The following PCDHA6 variants were observed in gnomAD, a reference collection of about 807,000 sequenced individuals.
PCDHA6 encodes the protein protocadherin alpha 6, also known as protocadherin alpha-6.
In PCDHA6, 55 loss-of-function variants were observed where a neutral mutation model predicts 60.3. The observed-to-expected ratio is 0.91, with a 90% CI of 0.73 to 1.14. The LOEUF (loss-of-function observed/expected upper bound fraction) is 1.14. Among genes scored for constraint, PCDHA6 ranks in the 50% most tolerant of loss-of-function variants. PCDHA6 has a pLI of 0.00. For missense variants in PCDHA6, 1,327 were observed against 1,256.5 expected, an observed-to-expected ratio of 1.06 and a Z score of -0.85; for synonymous variants, 652 against 557.9, an observed-to-expected ratio of 1.17 and a Z score of -2.38.
chr5:140,833,091 C>T (rs2150206226), intron 1 of PCDHA6, among the ~76,000 whole-genome samples: 72,266 of 151,896 alleles, frequency 0.48, 17,794 homozygotes, highest in Middle Eastern at 0.61. Flanking sequence ...GAGTACTAGA[C>T]GAGTAATTTT....
chr5:140,879,744 A>T (rs1356373675), intron 1 of PCDHA6, among the ~76,000 whole-genome samples: 1 of 152,212 alleles, frequency 6.6e-6, no homozygotes, highest in Admixed American at 6.5e-5. Flanking sequence ...AGGTGTTGTC[A>T]AGGCTATACT....
intron 1 of PCDHA6, chr5:140,841,601 G>T: frequency 6.2e-7 from 1 of 1,614,136 alleles, no homozygotes; most frequent in Non-Finnish European, 8.5e-7. Context: ...CGACCGCGAG[G>T]AGCTGTGCGG....
intron 1 of PCDHA6, among the ~76,000 whole-genome samples, chr5:140,896,062 C>T (rs781234487): frequency 1.1e-4 from 17 of 152,104 alleles, no homozygotes; most frequent in South Asian, 4.2e-4. Flanking sequence ...CCGCCTGCCT[C>T]GGCCTCCCAA....
At chr5:140,991,205 A>C (rs1403144779) in intron 3 of PCDHA6, among the ~76,000 whole-genome samples, 3 of 152,226 alleles carry the variant, frequency 2.0e-5, no homozygotes, top group Admixed American at 2.0e-4. Context: ...TGCTCAATAA[A>C]TTTTGTTAAA....
intron 1 of PCDHA6, chr5:140,853,446 T>C: frequency 1.0e-6 from 1 of 980,482 alleles, no homozygotes; most frequent in Non-Finnish European, 1.2e-6. Context: ...TTTTGCCTAA[T>C]AGGTCTCCTT....
chr5:140,840,342 G>C (rs1167042274), intron 1 of PCDHA6, among the ~76,000 whole-genome samples: 2 of 151,918 alleles, frequency 1.3e-5, no homozygotes, highest in African/African-American at 4.8e-5. Flanking sequence ...CAATGTTAGG[G>C]TATACAGGTA....
At chr5:140,847,770 T>C (rs2150403735) in intron 1 of PCDHA6, 3 of 149,954 alleles carry the variant, frequency 2.0e-5, no homozygotes, top group African/African-American at 7.3e-5. Context: ...TTAAAGTCAA[T>C]TCTCGCTTTT....
At chr5:140,975,343 A>G (rs997568363) in intron 1 of PCDHA6, among the ~76,000 whole-genome samples, 1 of 152,224 alleles carries the variant, frequency 6.6e-6, no homozygotes, top group Middle Eastern at 3.2e-3. Context: ...TCCCTTTCTT[A>G]AAGCCAACTG....
At chr5:140,969,410 T>C (rs528910445) in intron 1 of PCDHA6, 12 of 1,572,752 alleles carry the variant, frequency 7.6e-6, no homozygotes, top group South Asian at 1.2e-5. Flanking sequence ...TTTGGCTTTA[T>C]TGAGTCATTA....
At chr5:140,882,065 A>C in intron 1 of PCDHA6, 1 of 831,114 alleles carries the variant, frequency 1.2e-6, no homozygotes, top group Non-Finnish European at 1.8e-6. Flanking sequence ...TTACACGTTC[A>C]TGCGCATGGT....
intron 1 of PCDHA6, among the ~76,000 whole-genome samples, chr5:140,947,932 T>G (rs1444320082): frequency 1.3e-5 from 2 of 151,584 alleles, no homozygotes; most frequent in African/African-American, 4.8e-5. Flanking sequence ...CCTGATCTTA[T>G]GAGAAAAGTG....
At position 140,848,413 on chromosome 5, in the gene PCDHA6, G is replaced by A. The variant is rs2150410118; in HGVS notation, c.2394+17928G>A. On this transcript the variant is annotated intron_variant, in intron 1 of 3. Transcript: ENST00000529310. The stretch of plus-strand genomic sequence containing the variant: ...TCTGTGCTGAACGATGGCGAACACA[G>A]CAGAATGGGACTGACGAAATCAGAT... 44 of 1,383,064 alleles carry A rather than the reference G, an allele frequency of 3.2e-5. 5 individuals are homozygous for A. Among genetic ancestry groups the A allele is most frequent in the Non-Finnish European group, 4.2e-5 (42 of 1,005,008 alleles). The allele number at this position is 1,383,064 out of a possible 1,614,324, so 85.7% of individuals were successfully genotyped here.
intron 1 of PCDHA6, among the ~76,000 whole-genome samples, chr5:140,971,957 AC>A (rs1360214556): frequency 6.6e-6 from 1 of 152,060 alleles, no homozygotes; most frequent in Non-Finnish European, 1.5e-5. Flanking sequence ...GACTCCAAAA[AC>A]TTTTTTTCAA....
chr5:140,927,203 C>G (rs782141467), intron 1 of PCDHA6: 1 of 1,614,104 alleles, frequency 6.2e-7, no homozygotes, highest in Admixed American at 1.7e-5. Context: ...CTCGAGGACC[C>G]GCTGGAGCTG....
intron 3 of PCDHA6, among the ~76,000 whole-genome samples, chr5:141,006,608 G>A (rs2098279719): frequency 6.6e-6 from 1 of 152,200 alleles, no homozygotes; most frequent in African/African-American, 2.4e-5. Flanking sequence ...GAAGCAGACT[G>A]AATAAGGAGA....
intron 1 of PCDHA6, among the ~76,000 whole-genome samples, chr5:140,898,705 A>C (rs1351081569): frequency 1.3e-5 from 2 of 152,142 alleles, no homozygotes; most frequent in Admixed American, 1.3e-4. Flanking sequence ...ACTTTAAAGT[A>C]GTTTTTTCCA....
intron 1 of PCDHA6, chr5:140,862,531 C>T (rs782753899): frequency 4.6e-6 from 2 of 431,454 alleles, no homozygotes; most frequent in Non-Finnish European, 9.4e-6. Flanking sequence ...CCACAGCCAT[C>T]GGGTCCGTGG....
intron 1 of PCDHA6, chr5:140,852,862 T>C (rs1477791467): frequency 2.1e-6 from 2 of 960,286 alleles, no homozygotes; most frequent in East Asian, 1.1e-4. Context: ...GCATTTACTA[T>C]GTCATCAATA....
At chr5:140,894,506 A>G (rs533835142) in intron 1 of PCDHA6, among the ~76,000 whole-genome samples, 2 of 151,922 alleles carry the variant, frequency 1.3e-5, no homozygotes, top group Non-Finnish European at 2.9e-5. Flanking sequence ...GGCATTATCC[A>G]TAGTGTTTAT....
Sources: allele counts gnomAD v4.1 joint callset (sites outside exome capture counted in the v4.1 genomes callset), GRCh38; gene constraint gnomAD v4.1.1; transcripts MANE v1.5; gene names NCBI Gene and HGNC (gene_info 2026-07-23, HGNC 2026-07-21).